SOWAHA: variants seen among roughly 807,000 people sequenced by gnomAD.
SOWAHA encodes the protein ankyrin repeat domain-containing protein SOWAHA.
A neutral mutation model predicts 21.1 loss-of-function variants in SOWAHA; 17 were observed. That is an observed-to-expected ratio of 0.80 (90% CI 0.55 to 1.21). SOWAHA has a LOEUF of 1.21. SOWAHA is among the 50% of genes most tolerant of loss of function. The pLI is 0.00. For synonymous variants in SOWAHA, 422 were observed against 397.1 expected (o/e 1.06, Z -0.75); for missense variants, 862 against 816.0 (o/e 1.06, Z -0.69).
chr5:132,813,717 C>A lies in SOWAHA; in HGVS notation c.96C>A (p.Asn32Lys), dbSNP rs1228041238. The A allele has an allele frequency of 6.5e-5, 100 of 1,543,078 alleles. No individual in the cohort carries two copies. The highest frequency in any genetic ancestry group is 8.0e-5 in the Non-Finnish European group (91 of 1,144,190). ...FLQEHGGKVR[N>K]SELLSRFKPL... ...AGGAGCACGGCGGGAAGGTGCGCAA[C>A]TCCGAGCTGCTGAGCCGCTTCAAGC... The change falls in exon 1 of 1, where the codon AAC (asparagine) becomes AAA (lysine). Residue 32 changes from asparagine (N) to lysine (K), a missense_variant. Coordinates refer to ENST00000378693, the MANE Select transcript of SOWAHA (RefSeq NM_175873.6).
Position 132,814,924 on chromosome 5 carries a change from C to A in SOWAHA, c.1303C>A (p.Arg435Ser). The A allele has an allele frequency of 6.4e-7, 1 of 1,554,700 alleles. No individual in the cohort carries two copies. The highest frequency in any genetic ancestry group is 8.7e-7 in the Non-Finnish European group (1 of 1,151,126). The part of the protein sequence containing the change: ...YLRPGSSYAL[R>S]RLLGDPGLRG... ...GCGGCCCGGCTCCTCGTACGCGCTG[C>A]GCCGCCTTCTTGGCGATCCAGGCCT... Residue 435 changes from arginine (R) to serine (S), a missense_variant, in exon 1 of 1, where the codon CGC becomes AGC. By Grantham distance (110) the Arg-to-Ser change is moderately radical. Transcript: ENST00000378693.
Position 132,813,849 on chromosome 5 carries a change from C to T in SOWAHA, c.228C>T (p.Phe76=). ...TGAAGGAGCTCGACGGCGTCAAGTTCGTGGTGCTGAGGAAGAAGCCCCGGC... is the reference window on the plus strand; with the variant it reads ...TGAAGGAGCTCGACGGCGTCAAGTTTGTGGTGCTGAGGAAGAAGCCCCGGC... ...AVVKELDGVK[F]VVLRKKPRPP... The change falls in exon 1 of 1, where the codon TTC becomes TTT. Residue 76 remains phenylalanine (F), a synonymous_variant. Coordinates refer to ENST00000378693, the MANE Select transcript of SOWAHA (RefSeq NM_175873.6). The T allele has an allele frequency of 6.5e-7, 1 of 1,549,272 alleles. No homozygotes were observed. Among genetic ancestry groups the T allele is most frequent in the Non-Finnish European group, 8.7e-7 (1 of 1,146,300 alleles).
Position 132,814,964 on chromosome 5 carries a change from A to G in SOWAHA, c.1343A>G (p.Glu448Gly). 1 of 1,584,642 alleles carries G rather than the reference A, an allele frequency of 6.3e-7. No homozygotes were observed. Among genetic ancestry groups the G allele is most frequent in the Non-Finnish European group, 8.6e-7 (1 of 1,166,240 alleles). ...LGDPGLRGTT[E>G]PDATGGGSGS... ...GATCCAGGCCTGCGAGGCACCACGG[A>G]GCCAGATGCGACCGGTGGTGGAAGT... Residue 448 changes from glutamate (E) to glycine (G), a missense_variant, in exon 1 of 1, where the codon GAG becomes GGG. Transcript: ENST00000378693.
At position 132,815,141 on chromosome 5, in the gene SOWAHA, G is replaced by A. The variant is rs1427068171; in HGVS notation, c.1520G>A (p.Ser507Asn). The A allele has an allele frequency of 6.2e-7, 1 of 1,613,956 alleles. No individual in the cohort carries two copies. Among genetic ancestry groups the A allele is most frequent in the East Asian group, 2.2e-5 (1 of 44,900 alleles). Reference sequence around the variant, plus strand: ...TCGAGCTCCTTCAGCAAGTTCTTGAGCGCCTCGCCCATGGCTCCACGTAAA... The same window carrying A: ...TCGAGCTCCTTCAGCAAGTTCTTGAACGCCTCGCCCATGGCTCCACGTAAA... ...KKSSSFSKFL[S>N]ASPMAPRKKT... Residue 507 changes from serine (S) to asparagine (N), a missense_variant, in exon 1 of 1, where the codon AGC (serine) becomes AAC (asparagine). Ser to Asn is a conservative substitution (Grantham distance 46). Transcript: ENST00000378693.
Position 132,816,111 on chromosome 5 carries a change from G to C in SOWAHA, c.*840G>C, listed in dbSNP as rs918103833. The stretch of plus-strand genomic sequence containing the variant: ...GTTGTCTCCATCATGAAATAGAAAC[G>C]TGTTTGGCACTTGTGGGTGGCTATT... On this transcript the variant is annotated 3_prime_UTR_variant, in exon 1 of 1. Coordinates refer to ENST00000378693, the MANE Select transcript of SOWAHA (RefSeq NM_175873.6). 4 of 167,044 alleles carry C rather than the reference G, an allele frequency of 2.4e-5. No homozygotes were observed. Among genetic ancestry groups the C allele is most frequent in the African/African-American group, 4.8e-5 (2 of 41,454 alleles). The allele number at this position is 167,044 out of a possible 1,614,324, so 10.3% of individuals were successfully genotyped here.
Position 132,814,331 on chromosome 5 carries a change from C to G in SOWAHA, c.710C>G (p.Pro237Arg). 6.7e-7 allele frequency: 1 copy of G among 1,482,982 alleles called. No individual in the cohort carries two copies. Among genetic ancestry groups the G allele is most frequent in the Non-Finnish European group, 8.9e-7 (1 of 1,126,554 alleles). 91.9% of individuals were successfully genotyped at this position (1,482,982 alleles called of 1,614,324 possible). A position where few individuals can be genotyped will look rare whatever the true frequency, so the allele number is the denominator to read the frequency against. Reference protein sequence around the residue: ...PATLRLRAEEPGLRRQLSEEP... With the variant: ...PATLRLRAEERGLRRQLSEEP... ...ACGCTCCGCCTCCGGGCGGAGGAGC[C>G]CGGCCTGCGCCGGCAGCTGTCGGAG... The change falls in exon 1 of 1, where the codon CCC becomes CGC. Residue 237 changes from proline (P) to arginine (R), a missense_variant. Pro to Arg is a moderately radical substitution (Grantham distance 103). Transcript: ENST00000378693.
Position 132,814,156 on chromosome 5 carries a change from G to C in SOWAHA, c.535G>C (p.Ala179Pro). ...ELAQATERPSADAAPPPRAPS... is the reference protein window; with the variant it reads ...ELAQATERPSPDAAPPPRAPS... ...AGCCCAGGCCACCGAGAGACCCTCC[G>C]CAGACGCGGCCCCACCGCCTAGGGC... Residue 179 changes from alanine (A) to proline (P), a missense_variant, in exon 1 of 1, where the codon GCA (alanine) becomes CCA (proline). By Grantham distance (27) the Ala-to-Pro change is conservative (BLOSUM62 -1). Coordinates refer to ENST00000378693, the MANE Select transcript of SOWAHA (RefSeq NM_175873.6). 6.9e-6 allele frequency: 11 copies of C among 1,599,208 alleles called. No homozygotes were observed. Among genetic ancestry groups the C allele is most frequent in the Non-Finnish European group, 9.3e-6 (11 of 1,178,852 alleles).
rs1466127619 is a variant in SOWAHA at position 132,814,362 on chromosome 5, G to A, written c.741G>A (p.Pro247=). The change falls in exon 1 of 1, where the codon CCG becomes CCA. Residue 247 remains proline (P), a synonymous_variant. Coordinates refer to ENST00000378693, the MANE Select transcript of SOWAHA (RefSeq NM_175873.6). ...PGLRRQLSEE[P]SPRSSPLLLR... ...TGCGCCGGCAGCTGTCGGAGGAGCCGAGCCCGCGGAGCTCCCCTCTGCTGC... is the reference window on the plus strand; with the variant it reads ...TGCGCCGGCAGCTGTCGGAGGAGCCAAGCCCGCGGAGCTCCCCTCTGCTGC... 4 of 1,490,734 alleles carry A rather than the reference G, an allele frequency of 2.7e-6. No individual in the cohort carries two copies. Among genetic ancestry groups the A allele is most frequent in the Admixed American group, 4.5e-5 (2 of 44,704 alleles). 92.3% of individuals were successfully genotyped at this position (1,490,734 alleles called of 1,614,324 possible).
rs114635812 is a variant in SOWAHA, at chr5:132,814,596, C to G, written c.975C>G (p.His325Gln). The G allele has an allele frequency of 2.5e-4, 372 of 1,505,016 alleles. 1 individual carries two copies. In the African/African-American group the frequency reaches 5.0e-3, roughly 20 times the overall value. 93.2% of individuals were successfully genotyped at this position (1,505,016 alleles called of 1,614,324 possible). A position where few individuals can be genotyped will look rare whatever the true frequency, so the allele number is the denominator to read the frequency against. ...LVRTAGGRWT[H>Q]QLHGLLLRDR... ...GGACTGCCGGGGGCCGCTGGACCCA[C>G]CAGCTGCACGGGCTGCTGCTGCGCG... is the stretch of plus-strand genomic sequence containing the variant. The change falls in exon 1 of 1, where the codon CAC becomes CAG. Residue 325 changes from histidine to glutamine, a missense_variant. Transcript: ENST00000378693.
At position 132,814,978 on chromosome 5, in the gene SOWAHA, G is replaced by C; in HGVS notation, c.1357G>C (p.Gly453Arg). 6.3e-7 allele frequency: 1 copy of C among 1,591,092 alleles called. No homozygotes were observed. The highest frequency in any genetic ancestry group is 8.6e-7 in the Non-Finnish European group (1 of 1,169,508). Reference sequence around the variant, plus strand: ...AGGCACCACGGAGCCAGATGCGACCGGTGGTGGAAGTGGCAGTCTTGCTGC... The same window carrying C: ...AGGCACCACGGAGCCAGATGCGACCCGTGGTGGAAGTGGCAGTCTTGCTGC... ...LRGTTEPDAT[G>R]GGSGSLAARR... The change falls in exon 1 of 1, where the codon GGT becomes CGT. Residue 453 changes from glycine (G) to arginine (R), a missense_variant. Physicochemically the swap from Gly to Arg is moderately radical, Grantham distance 125. Coordinates refer to ENST00000378693, the MANE Select transcript of SOWAHA (RefSeq NM_175873.6).
At position 132,814,870 on chromosome 5, in the gene SOWAHA, C is replaced by G. The variant is rs1408916243; in HGVS notation, c.1249C>G (p.His417Asp). 2.0e-6 allele frequency: 3 copies of G among 1,528,300 alleles called. No homozygotes were observed. Among genetic ancestry groups the G allele is most frequent in the African/African-American group, 1.4e-5 (1 of 72,910 alleles). The allele number at this position is 1,528,300 out of a possible 1,614,324, so 94.7% of individuals were successfully genotyped here. Residue 417 changes from histidine to aspartate, a missense_variant, in exon 1 of 1, where the codon CAC (histidine) becomes GAC (aspartate). By Grantham distance (81) the His-to-Asp change is moderately conservative. Transcript: ENST00000378693. The part of the protein sequence containing the change: ...RLGAQVHVRD[H>D]SGRRAYQYLR... ...GGGTGCCCAGGTGCACGTGCGTGAT[C>G]ACAGCGGGCGTCGCGCCTACCAGTA...
chr5:132,815,101 C>A lies in SOWAHA; in HGVS notation c.1480C>A (p.Arg494=), dbSNP rs773350696. ...ADDLMLQDLA[R]GLKKSSSFSK... is the part of the protein sequence containing the mutation. ...CGACCTCATGCTCCAGGACCTGGCC[C>A]GAGGCTTGAAGAAGTCGAGCTCCTT... Residue 494 remains arginine, a synonymous_variant, in exon 1 of 1, where the codon CGA becomes AGA. Transcript: ENST00000378693. The A allele has an allele frequency of 1.2e-6, 2 of 1,613,870 alleles. No homozygotes were observed.
In SOWAHA at chr5:132,814,318, C is replaced by A; in HGVS notation, c.697C>A (p.Arg233=). 1 of 1,484,280 alleles carries A rather than the reference C, an allele frequency of 6.7e-7. No individual in the cohort carries two copies. Among genetic ancestry groups the A allele is most frequent in the South Asian group, 1.3e-5 (1 of 77,992 alleles). The allele number at this position is 1,484,280 out of a possible 1,614,324, so 91.9% of individuals were successfully genotyped here. A position where few individuals can be genotyped will look rare whatever the true frequency, so the allele number is the denominator to read the frequency against. The change falls in exon 1 of 1, where the codon CGG becomes AGG. Residue 233 remains arginine, a synonymous_variant. Coordinates refer to ENST00000378693, the MANE Select transcript of SOWAHA (RefSeq NM_175873.6). The part of the protein sequence containing the change: ...CVPAPATLRL[R]AEEPGLRRQL... ...CCCGGCCCCCGCCACGCTCCGCCTC[C>A]GGGCGGAGGAGCCCGGCCTGCGCCG... is the stretch of plus-strand genomic sequence containing the variant.
In SOWAHA at chr5:132,814,089, C is replaced by T. The variant is rs376732803; in HGVS notation, c.468C>T (p.Pro156=). The change falls in exon 1 of 1, where the codon CCC becomes CCT. Residue 156 remains proline, a synonymous_variant. Transcript: ENST00000378693. ...CGGCCTCCGAGCCCGCTCAGCCGCC[C>T]GGGGAGCGGTCCGCCGACCCACCGC... ...GGPASEPAQP[P]GERSADPPLP... 454 of 1,589,412 alleles carry T rather than the reference C, an allele frequency of 2.9e-4. 3 individuals are homozygous for T. In the African/African-American group the frequency reaches 4.7e-3, roughly 17 times the overall value.
rs1392638112 is a variant in SOWAHA at position 132,814,673 on chromosome 5, A to C, written c.1052A>C (p.His351Pro). Residue 351 changes from histidine to proline, a missense_variant, in exon 1 of 1, where the codon CAT becomes CCT. Transcript: ENST00000378693. Reference protein sequence around the residue: ...RDFMSGFTALHWAAKSGDGEM... With the variant: ...RDFMSGFTALPWAAKSGDGEM... The stretch of plus-strand genomic sequence containing the variant: ...TTCATGTCTGGCTTCACGGCCCTGC[A>C]TTGGGCCGCCAAGAGCGGCGACGGC... The C allele has an allele frequency of 6.6e-7, 1 of 1,522,208 alleles. No homozygotes were observed. The highest frequency in any genetic ancestry group is 2.0e-5 in the Admixed American group (1 of 49,862). The allele number at this position is 1,522,208 out of a possible 1,614,324, so 94.3% of individuals were successfully genotyped here.
At position 132,815,195 on chromosome 5, in the gene SOWAHA, C is replaced by A; in HGVS notation, c.1574C>A (p.Ala525Asp). The A allele has an allele frequency of 6.2e-7, 1 of 1,613,826 alleles. No individual in the cohort carries two copies. The highest frequency in any genetic ancestry group is 8.5e-7 in the Non-Finnish European group (1 of 1,180,016). ...KKTKIRGGLP[A>D]FSEISRRPTP... ...ACAAAGATCCGCGGTGGTCTGCCAG[C>A]CTTCTCAGAAATCTCTCGTCGACCT... Residue 525 changes from alanine to aspartate, a missense_variant, in exon 1 of 1, where the codon GCC (alanine) becomes GAC (aspartate). Physicochemically the swap from Ala to Asp is moderately radical, Grantham distance 126. Transcript: ENST00000378693.
chr5:132,814,236 C>A lies in SOWAHA; in HGVS notation c.615C>A (p.Pro205=). The A allele has an allele frequency of 6.5e-7, 1 of 1,543,400 alleles. No homozygotes were observed. The highest frequency in any genetic ancestry group is 1.9e-5 in the Admixed American group (1 of 53,362). ...CSDPPDAEPG[P]GAAKGPPQQK... is the part of the protein sequence containing the mutation. ...ATCCGCCAGACGCGGAGCCCGGGCC[C>A]GGGGCAGCGAAAGGGCCGCCGCAGC... Residue 205 remains proline, a synonymous_variant, in exon 1 of 1, where the codon CCC becomes CCA. Transcript: ENST00000378693.
In SOWAHA at chr5:132,815,098, G is replaced by A; in HGVS notation, c.1477G>A (p.Ala493Thr). ...LADDLMLQDL[A>T]RGLKKSSSFS... ...TGACGACCTCATGCTCCAGGACCTG[G>A]CCCGAGGCTTGAAGAAGTCGAGCTC... The change falls in exon 1 of 1, where the codon GCC becomes ACC. Residue 493 changes from alanine (A) to threonine (T), a missense_variant. Transcript: ENST00000378693. 6.2e-7 allele frequency: 1 copy of A among 1,613,870 alleles called. No homozygotes were observed. Among genetic ancestry groups the A allele is most frequent in the South Asian group, 1.1e-5 (1 of 91,044 alleles).
chr5:132,814,399 T>A lies in SOWAHA; in HGVS notation c.778T>A (p.Ser260Thr), dbSNP rs1758351681. 6.7e-7 allele frequency: 1 copy of A among 1,492,430 alleles called. No individual in the cohort carries two copies. Among genetic ancestry groups the A allele is most frequent in the Non-Finnish European group, 8.9e-7 (1 of 1,129,570 alleles). 92.4% of individuals were successfully genotyped at this position (1,492,430 alleles called of 1,614,324 possible). Residue 260 changes from serine (S) to threonine (T), a missense_variant, in exon 1 of 1, where the codon TCG becomes ACG. Physicochemically the swap from Ser to Thr is moderately conservative, Grantham distance 58 (BLOSUM62 1). Transcript: ENST00000378693. Reference protein sequence around the residue: ...RSSPLLLRRLSVEESGLGLGL... With the variant: ...RSSPLLLRRLTVEESGLGLGL... ...CTCCCCTCTGCTGCTGAGGCGGCTC[T>A]CGGTGGAAGAGTCCGGTCTGGGCCT...
Sources: gnomAD v4.1 joint callset for allele counts on GRCh38, gnomAD v4.1.1 for gene constraint, MANE v1.5 for transcripts, NCBI Gene and HGNC (gene_info 2026-07-23, HGNC 2026-07-21) for gene names.